The following NR6A1 variants were observed in gnomAD, a reference collection of about 807,000 sequenced individuals.
NR6A1 encodes the protein retinoic acid receptor-related testis-associated receptor.
NR6A1 carries 7 observed loss-of-function variants against 59.1 expected under a neutral mutation model. The ratio of observed to expected loss-of-function variants is 0.12; its 90% CI spans 0.07 to 0.22. The LOEUF (loss-of-function observed/expected upper bound fraction) is 0.22. NR6A1 is among the 10% of genes least tolerant of loss of function. The pLI is 1.00. For missense variants in NR6A1, 468 were observed against 611.6 expected (o/e 0.77, Z 2.48); for synonymous variants, 243 against 236.1 (o/e 1.03, Z -0.27).
At chr9:124,714,798 A>C (rs1179036588) in intron 2 of NR6A1, among the ~76,000 whole-genome samples, 1 of 152,174 alleles carries the variant, frequency 6.6e-6, no homozygotes, top group Non-Finnish European at 1.5e-5. Flanking sequence ...CAAAATACTT[A>C]AGGATAAAGA....
intron 2 of NR6A1, among the ~76,000 whole-genome samples, chr9:124,670,980 G>C (rs1837777945): frequency 6.6e-6 from 1 of 152,122 alleles, no homozygotes; most frequent in African/African-American, 2.4e-5. Flanking sequence ...CAACATAAGT[G>C]AATTTTGAGG....
intron 2 of NR6A1, among the ~76,000 whole-genome samples, chr9:124,656,663 G>A (rs1415199247): frequency 6.6e-6 from 1 of 151,892 alleles, no homozygotes; most frequent in African/African-American, 2.4e-5. Context: ...GAAACCCCGT[G>A]TCTACTAAAA....
In NR6A1 at chr9:124,524,588, G is replaced by C; in HGVS notation, c.1354+133C>G. The C allele has an allele frequency of 3.1e-6, 3 of 967,772 alleles. No individual in the cohort carries two copies. In the South Asian group the frequency reaches 5.6e-5, roughly 18 times the overall value. 59.9% of individuals were successfully genotyped at this position (967,772 alleles called of 1,614,324 possible). A position where few individuals can be genotyped will look rare whatever the true frequency, so the allele number is the denominator to read the frequency against. On this transcript the variant is annotated intron_variant, in intron 9 of 9. Transcript: ENST00000487099. ...CTCATTATAACAGACCTTTTTTGAG[G>C]GCAAGGGTGAGAACTCTTTCATGCA...
At chr9:124,769,175 T>G (rs933121193) in intron 1 of NR6A1, among the ~76,000 whole-genome samples, 5 of 151,966 alleles carry the variant, frequency 3.3e-5, no homozygotes, top group Admixed American at 2.0e-4. Context: ...CTCAAACATG[T>G]TCACATTCAG....
At chr9:124,685,951 TA>T (rs1228202435) in intron 2 of NR6A1, among the ~76,000 whole-genome samples, 1 of 152,184 alleles carries the variant, frequency 6.6e-6, no homozygotes, top group Non-Finnish European at 1.5e-5. Context: ...CATTTTTAAA[TA>T]AAAGTTTTAA....
intron 3 of NR6A1, among the ~76,000 whole-genome samples, chr9:124,548,826 C>T (rs1301482107): frequency 6.6e-6 from 1 of 152,184 alleles, no homozygotes. Flanking sequence ...TTCACAGTTA[C>T]TTAACTAACA....
intron 2 of NR6A1, among the ~76,000 whole-genome samples, chr9:124,644,722 T>G (rs1228956414): frequency 6.6e-6 from 1 of 152,154 alleles, no homozygotes; most frequent in East Asian, 1.9e-4. Context: ...ATGACAGTTT[T>G]TACAGCCTTT....
chr9:124,701,105 T>C (rs551515880), intron 2 of NR6A1, among the ~76,000 whole-genome samples: 1 of 152,306 alleles, frequency 6.6e-6, no homozygotes, highest in Admixed American at 6.5e-5. Context: ...TTCTCTTGGA[T>C]ATCCAGGAGT....
chr9:124,738,829 C>G (rs1296346524), intron 1 of NR6A1, among the ~76,000 whole-genome samples: 3 of 151,924 alleles, frequency 2.0e-5, no homozygotes, highest in African/African-American at 7.3e-5. Context: ...ATAGTGAAAC[C>G]CCATCTCTAC....
chr9:124,544,007 ATTCT>A (rs377415835), intron 3 of NR6A1, 150 bp from the exon 4 acceptor site: 43 of 681,364 alleles, frequency 6.3e-5, no homozygotes, highest in African/African-American at 6.3e-4. Flanking sequence ...AAAGCACACA[ATTCT>A]TTCTATTATT....
chr9:124,686,335 AAC>A (rs1564237004), intron 2 of NR6A1, among the ~76,000 whole-genome samples: 1 of 152,204 alleles, frequency 6.6e-6, no homozygotes, highest in African/African-American at 2.4e-5. Flanking sequence ...GTTGTTGCAA[AAC>A]ACACGCCTAT....
chr9:124,535,783 T>C (rs1833243819), intron 7 of NR6A1, 95 bp downstream of exon 7: 9 of 1,453,474 alleles, frequency 6.2e-6, no homozygotes, highest in Non-Finnish European at 8.5e-6. Context: ...CTATGAGGTG[T>C]AGTGCCTATC....
At chr9:124,599,985 C>T (rs1373276563) in intron 2 of NR6A1, among the ~76,000 whole-genome samples, 18 of 152,118 alleles carry the variant, frequency 1.2e-4, no homozygotes, top group Admixed American at 9.8e-4. Context: ...TTTAGTTCTT[C>T]AGTGTAAAAC....
At chr9:124,681,959 G>A (rs928387520) in intron 2 of NR6A1, among the ~76,000 whole-genome samples, 4 of 151,902 alleles carry the variant, frequency 2.6e-5, no homozygotes, top group African/African-American at 7.3e-5. Flanking sequence ...ATTCCATACC[G>A]CAACTAACCT....
At chr9:124,543,114 T>G (rs961890450) in intron 4 of NR6A1, among the ~76,000 whole-genome samples, 1 of 152,228 alleles carries the variant, frequency 6.6e-6, no homozygotes, top group African/African-American at 2.4e-5. Flanking sequence ...CTCTACTACA[T>G]GTGCCCAATG....
At chr9:124,614,700 C>A (rs987334409) in intron 2 of NR6A1, among the ~76,000 whole-genome samples, 3 of 152,160 alleles carry the variant, frequency 2.0e-5, no homozygotes, top group Non-Finnish European at 2.9e-5. Flanking sequence ...CTTTGTAAAT[C>A]AGCTTGGCAC....
At chr9:124,736,511 T>C (rs1353439787) in intron 1 of NR6A1, among the ~76,000 whole-genome samples, 1 of 152,144 alleles carries the variant, frequency 6.6e-6, no homozygotes, top group East Asian at 1.9e-4. Flanking sequence ...TGTTGTAAAT[T>C]GGGATCAACA....
chr9:124,717,691 T>C (rs1006805753), intron 2 of NR6A1, among the ~76,000 whole-genome samples: 9 of 152,234 alleles, frequency 5.9e-5, no homozygotes, highest in Non-Finnish European at 1.2e-4. Flanking sequence ...ACTTTAGATC[T>C]ATGCGTTTCA....
At chr9:124,707,456 A>G (rs1452147243) in intron 2 of NR6A1, among the ~76,000 whole-genome samples, 1 of 150,828 alleles carries the variant, frequency 6.6e-6, no homozygotes, top group Non-Finnish European at 1.5e-5. Flanking sequence ...TAATAGTTGC[A>G]TTGAAGTCTT....
Sources: gnomAD v4.1 joint callset for allele counts (sites outside exome capture counted in the v4.1 genomes callset) on GRCh38, gnomAD v4.1.1 for gene constraint, MANE v1.5 for transcripts, NCBI Gene and HGNC (gene_info 2026-07-23, HGNC 2026-07-21) for gene names.